The following ANGPT2 variants were observed in gnomAD, a reference collection of about 807,000 sequenced individuals.
ANGPT2 encodes angiopoietin-2.
Under a neutral mutation model 62.9 loss-of-function variants are expected in ANGPT2, and 28 were observed. The observed-to-expected ratio is 0.44, with a 90% CI of 0.33 to 0.61. The LOEUF (loss-of-function observed/expected upper bound fraction) is 0.61. Among genes scored for constraint, ANGPT2 ranks in the 20% least tolerant of loss-of-function variants. The pLI, the probability that ANGPT2 is intolerant of heterozygous loss-of-function variation, is 0.03. For synonymous variants in ANGPT2, 284 were observed against 207.8 expected (o/e 1.37, Z -3.15); for missense variants, 727 against 594.9 (o/e 1.22, Z -2.31).
At chr8:6,504,825 A>G (rs1222377920) in intron 8 of ANGPT2, among the ~76,000 whole-genome samples, 1 of 152,152 alleles carries the variant, frequency 6.6e-6, no homozygotes, top group Non-Finnish European at 1.5e-5. Flanking sequence ...TGTGAACAGG[A>G]AAAAATATAC....
At chr8:6,508,261 C>G (rs1029624446) in intron 8 of ANGPT2, 1 of 152,394 alleles carries the variant, frequency 6.6e-6, no homozygotes, top group African/African-American at 2.4e-5. Context: ...ACCAGCCTGG[C>G]AAACATGGTG....
chr8:6,505,249 C>CTTTTGTATATATAGAATATATATATATTT (rs1813125481), intron 8 of ANGPT2, among the ~76,000 whole-genome samples: 1 of 16,450 alleles, frequency 6.1e-5, no homozygotes, highest in Admixed American at 9.4e-4. Context: ...AATATATATT[C>CTTTTGTATATATAGAATATATATATATTT]TTTATATATG....
At chr8:6,562,566 TTTTTTG>T in intron 1 of ANGPT2, 75 bp downstream of exon 1, 1 of 260,816 alleles carries the variant, frequency 3.8e-6, no homozygotes, top group Admixed American at 5.0e-5. Flanking sequence ...TTTTTTTTTT[TTTTTTG>T]GTTGTTAAAA....
intron 3 of ANGPT2, 97 bp downstream of exon 3, chr8:6,527,458 A>G: frequency 4.1e-6 from 6 of 1,461,890 alleles, no homozygotes; most frequent in Non-Finnish European, 5.6e-6. Context: ...CTAGACATGA[A>G]GAAACTCACC....
intron 1 of ANGPT2, among the ~76,000 whole-genome samples, chr8:6,561,438 G>A (rs1739351278): frequency 6.6e-6 from 1 of 152,184 alleles, no homozygotes; most frequent in Admixed American, 6.5e-5. Flanking sequence ...CTGAAGGTAG[G>A]GGAGGTAATG....
intron 1 of ANGPT2, among the ~76,000 whole-genome samples, chr8:6,537,483 A>T (rs1271196741): frequency 6.6e-6 from 1 of 152,024 alleles, no homozygotes; most frequent in Non-Finnish European, 1.5e-5. Context: ...CCCCAGACAT[A>T]GTCTTTAAAA....
chr8:6,503,400 T>A (rs1812593285), intron 8 of ANGPT2, 139 bp from the exon 9 acceptor site: 1 of 792,528 alleles, frequency 1.3e-6, no homozygotes, highest in Non-Finnish European at 2.0e-6. Context: ...GAGTATAGGA[T>A]GTGCACTGGC....
At chr8:6,544,821 T>C (rs1822258805) in intron 1 of ANGPT2, among the ~76,000 whole-genome samples, 1 of 152,202 alleles carries the variant, frequency 6.6e-6, no homozygotes, top group Non-Finnish European at 1.5e-5. Context: ...TGCTGAACTG[T>C]CGACATCAGG....
intron 2 of ANGPT2, 152 bp downstream of exon 2, chr8:6,532,180 C>T (rs1175283571): frequency 1.1e-6 from 1 of 873,792 alleles, no homozygotes; most frequent in East Asian, 2.5e-5. Context: ...CATAAGCAGC[C>T]ATACATCCTT....
chr8:6,521,168 G>A lies in ANGPT2; in HGVS notation c.799+10C>T. ...ATTAACGCTGAAGAAAGCATGATAT[G>A]TAAACTTACAGTTTGATGTGGACAT... On this transcript the variant is annotated intron_variant, in intron 4 of 8. Transcript: ENST00000629816. 3 of 1,605,990 alleles carry A rather than the reference G, an allele frequency of 1.9e-6. No homozygotes were observed. Among genetic ancestry groups the A allele is most frequent in the Non-Finnish European group, 2.6e-6 (3 of 1,173,410 alleles).
In ANGPT2 at chr8:6,562,915, A is replaced by C; in HGVS notation, c.20T>G (p.Phe7Cys). MWQIVF[F>C]TLSCDLVLAA... ...CAAGACAAGATCACAGCTCAGAGTA[A>C]AGAAAACAATCTGCCACATTCTTTC... is the stretch of plus-strand genomic sequence containing the variant. Residue 7 changes from phenylalanine (F) to cysteine (C), a missense_variant, in exon 1 of 9, where the codon TTT (phenylalanine) becomes TGT (cysteine). Phe to Cys is a radical substitution (Grantham distance 205). Transcript: ENST00000629816. 1 of 1,592,246 alleles carries C rather than the reference A, an allele frequency of 6.3e-7. No individual in the cohort carries two copies.
chr8:6,549,879 AAAAAG>A (rs915449508), intron 1 of ANGPT2, among the ~76,000 whole-genome samples: 16 of 152,360 alleles, frequency 1.1e-4, no homozygotes, highest in South Asian at 2.1e-4. Flanking sequence ...TTATATCTAA[AAAAAG>A]AAAAGAAAAG....
intron 1 of ANGPT2, among the ~76,000 whole-genome samples, chr8:6,559,392 T>C (rs998956388): frequency 6.6e-6 from 1 of 152,212 alleles, no homozygotes; most frequent in Non-Finnish European, 1.5e-5. Context: ...CATTCATTCG[T>C]GAGTAGTAGC....
chr8:6,513,797 A>G lies in ANGPT2; in HGVS notation c.1077T>C (p.Val359=). ...SGEYWLGNEF[V]SQLTNQQRYV... ...AGCGTTGCTGATTAGTCAGTTGCGA[A>G]ACAAACTCATTTCCCAGCCAATATT... Residue 359 remains valine, a synonymous_variant, in exon 7 of 9, where the codon GTT becomes GTC. Coordinates refer to ENST00000629816, the MANE Select transcript of ANGPT2 (RefSeq NM_001118887.2). 6.2e-7 allele frequency: 1 copy of G among 1,614,024 alleles called. No homozygotes were observed. The highest frequency in any genetic ancestry group is 8.5e-7 in the Non-Finnish European group (1 of 1,179,988).
At chr8:6,549,420 C>G (rs1214841472) in intron 1 of ANGPT2, among the ~76,000 whole-genome samples, 1 of 152,180 alleles carries the variant, frequency 6.6e-6, no homozygotes, top group Non-Finnish European at 1.5e-5. Context: ...GGTGACAGAG[C>G]AGAGTCAGGA....
At chr8:6,513,494 G>A (rs923976620) in intron 7 of ANGPT2, among the ~76,000 whole-genome samples, 184 bp downstream of exon 7, 2 of 151,880 alleles carry the variant, frequency 1.3e-5, no homozygotes, top group African/African-American at 2.4e-5. Context: ...CACCACACCT[G>A]GCTAATTTTT....
At chr8:6,534,395 G>C (rs901744419) in intron 1 of ANGPT2, among the ~76,000 whole-genome samples, 7 of 152,096 alleles carry the variant, frequency 4.6e-5, no homozygotes, top group Non-Finnish European at 8.8e-5. Flanking sequence ...TGAGCACCGT[G>C]GATTTTGGTA....
At chr8:6,537,242 G>C (rs866734114) in intron 1 of ANGPT2, among the ~76,000 whole-genome samples, 6 of 152,242 alleles carry the variant, frequency 3.9e-5, no homozygotes, top group Middle Eastern at 6.8e-3. Context: ...AGCGTGATCT[G>C]TAGGCACACG....
intron 1 of ANGPT2, among the ~76,000 whole-genome samples, chr8:6,545,094 A>C (rs1822329623): frequency 6.6e-6 from 1 of 152,134 alleles, no homozygotes; most frequent in Non-Finnish European, 1.5e-5. Context: ...AGGAGTGCTT[A>C]CTAGATGATC....
Sources: gnomAD v4.1 joint callset for allele counts (sites outside exome capture counted in the v4.1 genomes callset) on GRCh38, gnomAD v4.1.1 for gene constraint, MANE v1.5 for transcripts, NCBI Gene and HGNC (gene_info 2026-07-23, HGNC 2026-07-21) for gene names.